The following CRACD variants were observed in gnomAD, a reference collection of about 807,000 sequenced individuals.
CRACD encodes capping protein inhibiting regulator of actin dynamics.
CRACD carries 56 observed loss-of-function variants against 106.8 expected under a neutral mutation model. The ratio of observed to expected loss-of-function variants is 0.52; its 90% confidence interval spans 0.42 to 0.66. The LOEUF is 0.66. Among genes scored for constraint, CRACD ranks in the 30% least tolerant of loss-of-function variants. The pLI is 0.00. For missense variants in CRACD, 1,730 were observed against 1,623.2 expected (o/e 1.07, Z -1.13); for synonymous variants, 754 against 670.8 (o/e 1.12, Z -1.92).
At chr4:56,079,461 T>C (rs538383951) in intron 1 of CRACD, among the ~76,000 whole-genome samples, 2 of 152,018 alleles carry the variant, frequency 1.3e-5, no homozygotes, top group Non-Finnish European at 2.9e-5. Flanking sequence ...TTTTTTTTTT[T>C]TTGAGATGGG....
chr4:56,194,725 C>G (rs1188740496), intron 2 of CRACD, among the ~76,000 whole-genome samples: 3 of 152,134 alleles, frequency 2.0e-5, no homozygotes, highest in African/African-American at 7.2e-5. Context: ...AAATCTGGAG[C>G]CTTGGAATTT....
At chr4:56,057,808 T>TG (rs1560438188) in intron 1 of CRACD, among the ~76,000 whole-genome samples, 5 of 59,588 alleles carry the variant, frequency 8.4e-5, no homozygotes, top group African/African-American at 4.5e-4. Flanking sequence ...TATTTTTTTT[T>TG]TTTTTGTTTT....
At chr4:56,070,504 G>A (rs1732607949) in intron 1 of CRACD, among the ~76,000 whole-genome samples, 1 of 151,962 alleles carries the variant, frequency 6.6e-6, no homozygotes, top group Non-Finnish European at 1.5e-5. Context: ...TTTCACCGTA[G>A]TCTCAATCTC....
chr4:56,268,456 A>AC (rs1214114398), intron 2 of CRACD, among the ~76,000 whole-genome samples: 1 of 151,960 alleles, frequency 6.6e-6, no homozygotes, highest in Non-Finnish European at 1.5e-5. Flanking sequence ...TTGGGTAAAA[A>AC]AAGCAACTGT....
intron 2 of CRACD, among the ~76,000 whole-genome samples, chr4:56,247,408 G>C (rs1394358073): frequency 6.6e-6 from 1 of 152,306 alleles, no homozygotes; most frequent in East Asian, 1.9e-4. Flanking sequence ...TTTGGCAGTG[G>C]TTGACTGGCA....
At position 56,216,126 on chromosome 4, in the gene CRACD, G is replaced by A. The variant is rs886688862; in HGVS notation, c.-189+36696G>A. On this transcript the variant is annotated intron_variant, in intron 2 of 10. Coordinates refer to ENST00000682029, the MANE Select transcript of CRACD (RefSeq NM_001393381.1). ...TTTTCCAATTGTAAAAGAGAAATGC[G>A]TTGCCACCAGATGATGTCTTAAAGC... 5.3e-5 allele frequency: 8 copies of A among 152,286 alleles called. No individual in the cohort carries two copies. In the East Asian group the frequency reaches 5.8e-4, roughly 11 times the overall value. 9.4% of individuals were successfully genotyped at this position (152,286 alleles called of 1,614,324 possible). A position where few individuals can be genotyped will look rare whatever the true frequency, so the allele number is the denominator to read the frequency against.
At chr4:56,255,221 A>G (rs1233941769) in intron 2 of CRACD, among the ~76,000 whole-genome samples, 1 of 141,838 alleles carries the variant, frequency 7.1e-6, no homozygotes, top group African/African-American at 2.5e-5. Flanking sequence ...GTTATCAATA[A>G]TTACTACAAT....
intron 2 of CRACD, among the ~76,000 whole-genome samples, chr4:56,222,068 T>A (rs1463080227): frequency 6.6e-6 from 1 of 152,228 alleles, no homozygotes; most frequent in Non-Finnish European, 1.5e-5. Context: ...GAAGTCATTA[T>A]ATCAAAATGA....
intron 2 of CRACD, among the ~76,000 whole-genome samples, chr4:56,240,165 T>C (rs953456733): frequency 2.0e-5 from 3 of 152,130 alleles, no homozygotes; most frequent in Admixed American, 6.6e-5. Context: ...CCAAAAGGCA[T>C]ATGAAATGGG....
intron 1 of CRACD, among the ~76,000 whole-genome samples, chr4:56,069,115 G>T (rs963576462): frequency 5.3e-5 from 8 of 152,144 alleles, no homozygotes; most frequent in Admixed American, 3.3e-4. Flanking sequence ...GCAAGGAAGG[G>T]TCCTCCCTTA....
chr4:56,213,470 A>T (rs1164894335), intron 2 of CRACD, among the ~76,000 whole-genome samples: 7 of 151,116 alleles, frequency 4.6e-5, no homozygotes, highest in Non-Finnish European at 1.0e-4. Flanking sequence ...AATAAAATAA[A>T]AGAGTTTAAT....
At chr4:56,167,539 T>C (rs1022844464) in intron 1 of CRACD, among the ~76,000 whole-genome samples, 3 of 152,334 alleles carry the variant, frequency 2.0e-5, no homozygotes, top group Non-Finnish European at 4.4e-5. Flanking sequence ...CCCCAGCTTC[T>C]GGTAACCACC....
chr4:56,092,942 A>C (rs1181918649), intron 1 of CRACD, among the ~76,000 whole-genome samples: 4 of 152,158 alleles, frequency 2.6e-5, no homozygotes, highest in Non-Finnish European at 4.4e-5. Context: ...GACTACTAGA[A>C]AATTTAAAAT....
intron 1 of CRACD, among the ~76,000 whole-genome samples, chr4:56,059,884 A>AT (rs1732213191): frequency 6.6e-6 from 1 of 152,096 alleles, no homozygotes; most frequent in African/African-American, 2.4e-5. Context: ...GGGTTTTGCC[A>AT]TGTTGGCCAG....
intron 1 of CRACD, among the ~76,000 whole-genome samples, chr4:56,059,653 G>A (rs1220959529): frequency 6.6e-6 from 1 of 152,126 alleles, no homozygotes; most frequent in African/African-American, 2.4e-5. Context: ...TGTGACAATG[G>A]TAGGTCTCGG....
At chr4:56,214,681 C>CTCTCTCTCTCTATATATATATATA in intron 2 of CRACD, among the ~76,000 whole-genome samples, 9 of 80,980 alleles carry the variant, frequency 1.1e-4, no homozygotes, top group African/African-American at 2.1e-4. Flanking sequence ...CTCTCTCTCT[C>CTCTCTCTCTCTATATATATATATA]TATATATATA....
chr4:56,063,728 TA>T (rs201576470), intron 1 of CRACD, among the ~76,000 whole-genome samples: 6 of 151,506 alleles, frequency 4.0e-5, no homozygotes, highest in East Asian at 3.9e-4. Context: ...TATGACTTTT[TA>T]AAAAAAAATG....
intron 1 of CRACD, among the ~76,000 whole-genome samples, chr4:56,050,943 G>C (rs1731853247): frequency 6.6e-6 from 1 of 152,190 alleles, no homozygotes; most frequent in Non-Finnish European, 1.5e-5. Context: ...TAGGCAATTG[G>C]TGTGAGAAAC....
chr4:56,225,754 C>T (rs373270238), intron 2 of CRACD, among the ~76,000 whole-genome samples: 8 of 152,156 alleles, frequency 5.3e-5, no homozygotes, highest in Admixed American at 1.3e-4. Context: ...GTTAGTGAAG[C>T]GGGATTATCA....
Sources: allele counts gnomAD v4.1 joint callset (sites outside exome capture counted in the v4.1 genomes callset), GRCh38; gene constraint gnomAD v4.1.1; transcripts MANE v1.5; gene names NCBI Gene and HGNC (gene_info 2026-07-23, HGNC 2026-07-21).